The following BMPR1B variants were observed in gnomAD, a reference collection of about 807,000 sequenced individuals.
BMPR1B encodes the protein bone morphogenetic protein receptor type 1B.
In BMPR1B, 12 loss-of-function variants were observed where a neutral mutation model predicts 59.1. That is an observed-to-expected ratio of 0.20 (90% CI 0.13 to 0.33). The LOEUF is 0.33. Among genes scored for constraint, BMPR1B ranks in the 10% least tolerant of loss-of-function variants. The pLI is 1.00. For synonymous variants in BMPR1B, 237 were observed against 207.3 expected, an observed-to-expected ratio of 1.14 and a Z score of -1.23; for missense variants, 550 against 610.9, an observed-to-expected ratio of 0.90 and a Z score of 1.05.
chr4:94,781,065 C>G (rs186826689), intron 1 of BMPR1B, among the ~76,000 whole-genome samples: 1 of 152,234 alleles, frequency 6.6e-6, no homozygotes, highest in East Asian at 1.9e-4. Flanking sequence ...TTGCATCTTT[C>G]TGATGGCTAA....
intron 2 of BMPR1B, among the ~76,000 whole-genome samples, chr4:94,891,792 T>C (rs974958121): frequency 1.3e-5 from 2 of 152,086 alleles, no homozygotes; most frequent in Non-Finnish European, 2.9e-5. Context: ...TTGATGAGGA[T>C]GATAAAAACT....
chr4:95,030,188 G>C (rs1244334000), intron 3 of BMPR1B, among the ~76,000 whole-genome samples: 1 of 152,036 alleles, frequency 6.6e-6, no homozygotes, highest in Non-Finnish European at 1.5e-5. Context: ...TGAAGTCCTT[G>C]CCCATGCCTA....
intron 3 of BMPR1B, among the ~76,000 whole-genome samples, chr4:95,061,211 CA>C (rs371530950): frequency 8.1e-6 from 1 of 123,570 alleles, no homozygotes; most frequent in Non-Finnish European, 1.8e-5. Flanking sequence ...ACACACACAC[CA>C]CACACCCCTC....
intron 2 of BMPR1B, among the ~76,000 whole-genome samples, chr4:94,908,061 T>TAAAAAAAAAAAA (rs571793477): frequency 1.5e-3 from 70 of 46,220 alleles, no homozygotes; most frequent in African/African-American, 3.0e-3. Flanking sequence ...ACCCTGTCTT[T>TAAAAAAAAAAAA]AAAAAAAAAA....
Position 95,104,354 on chromosome 4 carries a change from A to C in BMPR1B, c.-17-54A>C, listed in dbSNP as rs951147922. The C allele has an allele frequency of 5.0e-5, 79 of 1,575,650 alleles. 2 individuals are homozygous for C. The highest frequency in any genetic ancestry group is 3.9e-4 in the South Asian group (35 of 89,234). ...AATCTCATGTTTTCGTTTGAACAGA[A>C]GACTGGGGTAGTCTACCCCACAGAT... On this transcript the variant is annotated intron_variant, in intron 3 of 12. Coordinates refer to ENST00000515059, the MANE Select transcript of BMPR1B (RefSeq NM_001203.3).
intron 2 of BMPR1B, among the ~76,000 whole-genome samples, chr4:94,962,118 TC>T (rs1730388818): frequency 2.3e-5 from 3 of 132,674 alleles, no homozygotes; most frequent in Non-Finnish European, 4.6e-5. Context: ...CTTCCTTCCT[TC>T]CTTCTTTCCT....
intron 1 of BMPR1B, among the ~76,000 whole-genome samples, chr4:94,795,835 A>C (rs1290253746): frequency 6.6e-6 from 1 of 152,190 alleles, no homozygotes; most frequent in Non-Finnish European, 1.5e-5. Flanking sequence ...AGATGACAAC[A>C]AACAAGCAGC....
chr4:95,072,470 G>A (rs1320157887), intron 3 of BMPR1B, among the ~76,000 whole-genome samples: 3 of 152,130 alleles, frequency 2.0e-5, no homozygotes, highest in Non-Finnish European at 4.4e-5. Context: ...GAGCAAGAAG[G>A]TCAGACATTT....
At chr4:94,800,388 G>A (rs1268165091) in intron 1 of BMPR1B, among the ~76,000 whole-genome samples, 1 of 151,060 alleles carries the variant, frequency 6.6e-6, no homozygotes, top group East Asian at 1.9e-4. Context: ...AGAAATTTGT[G>A]TAAGAATTAT....
chr4:95,032,295 G>A (rs987084599), intron 3 of BMPR1B, among the ~76,000 whole-genome samples: 1 of 152,014 alleles, frequency 6.6e-6, no homozygotes, highest in African/African-American at 2.4e-5. Flanking sequence ...GCACAGGTGT[G>A]AGCAAGTGTA....
chr4:94,829,252 C>T (rs893951830), intron 1 of BMPR1B, among the ~76,000 whole-genome samples: 1 of 151,650 alleles, frequency 6.6e-6, no homozygotes, highest in African/African-American at 2.4e-5. Context: ...CTTTCTCTCT[C>T]AATTTATTCC....
At chr4:94,825,496 C>T (rs1443675599) in intron 1 of BMPR1B, among the ~76,000 whole-genome samples, 1 of 152,054 alleles carries the variant, frequency 6.6e-6, no homozygotes, top group African/African-American at 2.4e-5. Context: ...TAGAGTGAGA[C>T]CCTGTCTCAA....
chr4:95,092,867 A>T (rs1288392128), intron 3 of BMPR1B, among the ~76,000 whole-genome samples: 6 of 152,106 alleles, frequency 3.9e-5, no homozygotes, highest in Non-Finnish European at 5.9e-5. Context: ...CTGCAGAGTA[A>T]TTTTTGGTGT....
chr4:94,858,688 T>C (rs1314242151), intron 1 of BMPR1B, among the ~76,000 whole-genome samples: 1 of 152,232 alleles, frequency 6.6e-6, no homozygotes, highest in Non-Finnish European at 1.5e-5. Flanking sequence ...CAACTCTTGT[T>C]ATTTGTATTA....
intron 3 of BMPR1B, among the ~76,000 whole-genome samples, chr4:95,058,565 C>G (rs556926274): frequency 6.6e-6 from 1 of 152,258 alleles, no homozygotes; most frequent in African/African-American, 2.4e-5. Context: ...AACAGGACAT[C>G]TTAAAATTTT....
chr4:95,031,333 G>A (rs941573112), intron 3 of BMPR1B, among the ~76,000 whole-genome samples: 1 of 152,144 alleles, frequency 6.6e-6, no homozygotes, highest in African/African-American at 2.4e-5. Flanking sequence ...GATCGGGAGT[G>A]GAATGACATG....
chr4:94,870,046 C>T (rs1726417502), intron 1 of BMPR1B, among the ~76,000 whole-genome samples: 1 of 152,118 alleles, frequency 6.6e-6, no homozygotes, highest in African/African-American at 2.4e-5. Flanking sequence ...GAAGAAGTTG[C>T]AAAGAAAGGT....
intron 3 of BMPR1B, among the ~76,000 whole-genome samples, chr4:95,101,521 A>G (rs941508363): frequency 2.0e-5 from 3 of 152,072 alleles, no homozygotes; most frequent in African/African-American, 7.2e-5. Flanking sequence ...GTACTTTTAG[A>G]AGTACCTTTG....
intron 10 of BMPR1B, among the ~76,000 whole-genome samples, chr4:95,135,655 T>C (rs1193188568): frequency 6.6e-5 from 10 of 152,316 alleles, no homozygotes; most frequent in Non-Finnish European, 1.3e-4. Flanking sequence ...ATGATTTGGC[T>C]CTCTGTTTGT....
Sources: allele counts gnomAD v4.1 joint callset (sites outside exome capture counted in the v4.1 genomes callset), GRCh38; gene constraint gnomAD v4.1.1; transcripts MANE v1.5; gene names NCBI Gene and HGNC (gene_info 2026-07-23, HGNC 2026-07-21).